TRAPPC9: variants seen among roughly 807,000 people sequenced by gnomAD.
TRAPPC9 encodes trafficking protein particle complex subunit 9, also known as IKK2 binding protein.
TRAPPC9 carries 83 observed loss-of-function variants against 124.0 expected under a neutral mutation model. That is an observed-to-expected ratio of 0.67 (90% confidence interval 0.56 to 0.80). TRAPPC9 has a LOEUF of 0.80. TRAPPC9 is among the 30% of genes least tolerant of loss of function. The pLI is 0.00. For missense variants in TRAPPC9, 1,302 were observed against 1,508.3 expected (o/e 0.86, Z 2.27); for synonymous variants, 638 against 617.5 (o/e 1.03, Z -0.49).
chr8:139,998,445 G>A (rs888902261), intron 18 of TRAPPC9, among the ~76,000 whole-genome samples: 17 of 152,334 alleles, frequency 1.1e-4, no homozygotes, highest in African/African-American at 2.4e-4. Context: ...TGGACTGGGC[G>A]CAGTGGCTCA....
At chr8:140,025,790 T>C (rs80120021) in intron 17 of TRAPPC9, among the ~76,000 whole-genome samples, 10,850 of 152,238 alleles carry the variant, frequency 0.071, 549 homozygotes, top group African/African-American at 0.14. Context: ...GGAAATGAGT[T>C]TTAGTCCCGT....
chr8:139,784,608 CATATATATATATATATAT>C lies in TRAPPC9; in HGVS notation c.3056-52424_3056-52407del, dbSNP rs34583867. ...AATAAATAAATAAATAAAAGACTGA[CATATATATATATATATAT>C]ATATATATATATATATATAAATCAA... On this transcript the variant is annotated intron_variant, in intron 21 of 22. Transcript: ENST00000438773. Among the ~76,000 whole-genome samples the C allele has an allele frequency of 8.1e-4, 72 of 88,654 alleles. 2 individuals carry two copies. Among genetic ancestry groups the C allele is most frequent in the Admixed American group, 3.4e-3 (29 of 8,614 alleles). The allele number at this position is 88,654 out of a possible 152,430, so 58.2% of individuals were successfully genotyped here. A position where few individuals can be genotyped will look rare whatever the true frequency, so the allele number is the denominator to read the frequency against.
At chr8:140,036,547 A>G (rs1250016963) in intron 17 of TRAPPC9, among the ~76,000 whole-genome samples, 1 of 152,222 alleles carries the variant, frequency 6.6e-6, no homozygotes, top group Non-Finnish European at 1.5e-5. Context: ...CAGAGGAGCA[A>G]GAAGACAGGG....
In TRAPPC9 at chr8:139,736,734, G is replaced by A. The variant is rs987311497; in HGVS notation, c.3056-4532C>T. ...TTGCAATGAGAACATGTGACCGCAT[G>A]GCAGGGCTGTGCCCGGGTAGGATTC... is the stretch of plus-strand genomic sequence containing the variant. On this transcript the variant is annotated intron_variant, in intron 21 of 22. Coordinates refer to ENST00000438773, the MANE Select transcript of TRAPPC9 (RefSeq NM_001160372.4). 2.6e-5 allele frequency among the ~76,000 whole-genome samples: 4 copies of A among 152,366 alleles called. No individual in the cohort carries two copies. In the South Asian group the frequency reaches 8.3e-4, roughly 32 times the overall value.
intron 20 of TRAPPC9, among the ~76,000 whole-genome samples, chr8:139,895,947 T>C (rs1830641723): frequency 1.3e-5 from 2 of 152,222 alleles, no homozygotes; most frequent in South Asian, 2.1e-4. Flanking sequence ...GCTGAGAAGC[T>C]CTGCAGTGAT....
chr8:139,914,867 C>A (rs1443949867), intron 19 of TRAPPC9: 2 of 152,272 alleles, frequency 1.3e-5, no homozygotes, highest in African/African-American at 4.8e-5. Flanking sequence ...CATCCCTCCT[C>A]GTCCTGGGTT....
chr8:140,333,122 T>C lies in TRAPPC9; in HGVS notation c.1496-21748A>G, dbSNP rs555750048. ...GCCTGGGCTAAAAAGCGAGACTTTG[T>C]CTCAAAAAAAAAAAAGAGAAAAAGA... On this transcript the variant is annotated intron_variant, in intron 9 of 22. Transcript: ENST00000438773. Among the ~76,000 whole-genome samples, 5 of 89,432 alleles carry C rather than the reference T, an allele frequency of 5.6e-5. No individual in the cohort carries two copies. In the East Asian group the frequency reaches 1.7e-3, roughly 30 times the overall value. The allele number at this position is 89,432 out of a possible 152,430, so 58.7% of individuals were successfully genotyped here.
chr8:139,961,908 G>A lies in TRAPPC9; in HGVS notation c.2810+26818C>T, dbSNP rs1008271756. 1.9e-4 allele frequency among the ~76,000 whole-genome samples: 23 copies of A among 123,964 alleles called. 4 individuals carry two copies. The highest frequency in any genetic ancestry group is 2.3e-4 in the Non-Finnish European group (12 of 51,908). 81.3% of individuals were successfully genotyped at this position (123,964 alleles called of 152,430 possible). Reference sequence around the variant, plus strand: ...AGGACAAACAGGGCAGAGAGATGACGGGATGACCAGCTGCAGAGACAAATA... The same window carrying A: ...AGGACAAACAGGGCAGAGAGATGACAGGATGACCAGCTGCAGAGACAAATA... On this transcript the variant is annotated intron_variant, in intron 19 of 22. Transcript: ENST00000438773.
At chr8:140,440,414 G>A (rs2070971632) in intron 2 of TRAPPC9, among the ~76,000 whole-genome samples, 1 of 152,154 alleles carries the variant, frequency 6.6e-6, no homozygotes, top group African/African-American at 2.4e-5. Context: ...GGCTGAGGCA[G>A]GAGAATCACT....
chr8:140,126,158 T>C (rs2061093207), intron 17 of TRAPPC9, among the ~76,000 whole-genome samples: 1 of 152,040 alleles, frequency 6.6e-6, no homozygotes, highest in Non-Finnish European at 1.5e-5. Context: ...TGAAAGAGAT[T>C]GTCAAGCAGA....
Position 140,401,661 on chromosome 8 carries a change from T to A in TRAPPC9, c.1008+3916A>T, listed in dbSNP as rs560689617. On this transcript the variant is annotated intron_variant, in intron 6 of 22. Coordinates refer to ENST00000438773, the MANE Select transcript of TRAPPC9 (RefSeq NM_001160372.4). ...TTTTTTGAGACAGAGTCTTGCTCTGTTGCCCAGGCTGGAGTGCAGTTGCTT... is the reference window on the plus strand; with the variant it reads ...TTTTTTGAGACAGAGTCTTGCTCTGATGCCCAGGCTGGAGTGCAGTTGCTT... Among the ~76,000 whole-genome samples the A allele has an allele frequency of 2.6e-5, 4 of 152,344 alleles. No individual in the cohort carries two copies. The East Asian group carries it at 7.7e-4, about 29-fold the overall frequency.
intron 9 of TRAPPC9, among the ~76,000 whole-genome samples, chr8:140,321,987 G>T (rs1424584340): frequency 6.6e-6 from 1 of 152,170 alleles, no homozygotes; most frequent in African/African-American, 2.4e-5. Context: ...CAAGACCATG[G>T]CTGCCAAAGG....
chr8:140,196,589 C>T (rs527808509), intron 17 of TRAPPC9, among the ~76,000 whole-genome samples: 1 of 144,540 alleles, frequency 6.9e-6, no homozygotes, highest in East Asian at 2.1e-4. Flanking sequence ...ACACACTCAA[C>T]GATCCACCAT....
chr8:140,197,289 C>T (rs1414829581), intron 17 of TRAPPC9, among the ~76,000 whole-genome samples: 3 of 152,200 alleles, frequency 2.0e-5, no homozygotes, highest in Non-Finnish European at 4.4e-5. Flanking sequence ...AACCCTAACA[C>T]GAGCCGATGT....
At chr8:140,377,090 G>C (rs1213540820) in intron 7 of TRAPPC9, among the ~76,000 whole-genome samples, 1 of 152,130 alleles carries the variant, frequency 6.6e-6, no homozygotes, top group Non-Finnish European at 1.5e-5. Flanking sequence ...GTCCGCGCTT[G>C]ACCCCTGATC....
At chr8:139,970,977 C>T (rs554645423) in intron 19 of TRAPPC9, among the ~76,000 whole-genome samples, 6 of 151,830 alleles carry the variant, frequency 4.0e-5, no homozygotes, top group Admixed American at 2.0e-4. Flanking sequence ...GCCCTGTGGC[C>T]CAAACCCTTC....
At chr8:139,965,215 G>A (rs1475941391) in intron 19 of TRAPPC9, among the ~76,000 whole-genome samples, 2 of 152,196 alleles carry the variant, frequency 1.3e-5, no homozygotes, top group South Asian at 2.1e-4. Flanking sequence ...TGCTTTGCAC[G>A]TTCAGGAATT....
chr8:140,385,964 C>T (rs531759998), intron 7 of TRAPPC9, among the ~76,000 whole-genome samples: 1 of 152,298 alleles, frequency 6.6e-6, no homozygotes, highest in South Asian at 2.1e-4. Flanking sequence ...AAAAGCTTAG[C>T]CACCATGATC....
chr8:139,740,694 T>C (rs753052249), intron 21 of TRAPPC9, among the ~76,000 whole-genome samples: 1 of 152,230 alleles, frequency 6.6e-6, no homozygotes, highest in Non-Finnish European at 1.5e-5. Context: ...CCAGTGGTGA[T>C]GTTCTACAGG....
Sources: gnomAD v4.1 joint callset for allele counts (sites outside exome capture counted in the v4.1 genomes callset) on GRCh38, gnomAD v4.1.1 for gene constraint, MANE v1.5 for transcripts, NCBI Gene and HGNC (gene_info 2026-07-23, HGNC 2026-07-21) for gene names.